The following TAOK1 variants were observed in gnomAD, a reference collection of about 807,000 sequenced individuals.
TAOK1 encodes the protein TAO kinase 1, also known as serine/threonine-protein kinase TAO1.
A neutral mutation model predicts 138.3 loss-of-function variants in TAOK1; 21 were observed. That is an observed-to-expected ratio of 0.15 (90% CI 0.11 to 0.22). The LOEUF is 0.22. Ranked by LOEUF, TAOK1 falls within the 10% of genes least tolerant of loss-of-function variation. The pLI is 1.00. For synonymous variants in TAOK1, 361 were observed against 398.4 expected, an observed-to-expected ratio of 0.91 and a Z score of 1.12; for missense variants, 651 against 1,227.7, an observed-to-expected ratio of 0.53 and a Z score of 7.02.
intron 3 of TAOK1, among the ~76,000 whole-genome samples, chr17:29,470,538 TA>T (rs11298817): frequency 0.6 from 90,846 of 151,716 alleles, 28,016 homozygotes; most frequent in East Asian, 0.97. Context: ...AAAACTGTAT[TA>T]AAAAAAAGAA....
intron 1 of TAOK1, among the ~76,000 whole-genome samples, chr17:29,439,898 A>C (rs1211284237): frequency 6.7e-6 from 1 of 150,056 alleles, no homozygotes; most frequent in Non-Finnish European, 1.5e-5. Context: ...ATTTTTTTTT[A>C]AGATAGTCTG....
chr17:29,551,016 GAAAA>G lies in TAOK1; in HGVS notation c.*7998_*8001del, dbSNP rs2032484388. Reference sequence around the variant, plus strand: ...TTGCTTTTTTATTTAAAAAAAAAAAGAAAAAAAGCTGTAACCTTATCATTTCTGA... The same window carrying G: ...TTGCTTTTTTATTTAAAAAAAAAAAGAAAGCTGTAACCTTATCATTTCTGA... On this transcript the variant is annotated 3_prime_UTR_variant, in exon 20 of 20. Transcript: ENST00000261716. 6.9e-6 allele frequency: 1 copy of G among 145,268 alleles called. No homozygotes were observed. Among genetic ancestry groups the G allele is most frequent in the African/African-American group, 2.5e-5 (1 of 40,068 alleles). 9.0% of individuals were successfully genotyped at this position (145,268 alleles called of 1,614,324 possible). A position where few individuals can be genotyped will look rare whatever the true frequency, so the allele number is the denominator to read the frequency against.
At chr17:29,507,805 T>A in intron 13 of TAOK1, 91 bp from the exon 14 acceptor site, 1 of 1,147,608 alleles carries the variant, frequency 8.7e-7, no homozygotes, top group Admixed American at 2.6e-5. Flanking sequence ...TTACACTAAT[T>A]CCCTACTTAG....
At chr17:29,434,350 A>G (rs1198251860) in intron 1 of TAOK1, among the ~76,000 whole-genome samples, 1 of 152,288 alleles carries the variant, frequency 6.6e-6, no homozygotes, top group East Asian at 1.9e-4. Flanking sequence ...GCCTCCTTTT[A>G]AAGGAGTCCC....
chr17:29,456,337 G>A (rs1026117736), intron 2 of TAOK1, among the ~76,000 whole-genome samples: 1 of 150,066 alleles, frequency 6.7e-6, no homozygotes. Context: ...GGGGGATAGA[G>A]CGAGACTCTG....
At chr17:29,499,318 A>T (rs1246372396) in intron 12 of TAOK1, among the ~76,000 whole-genome samples, 1 of 136,076 alleles carries the variant, frequency 7.3e-6, no homozygotes, top group African/African-American at 2.8e-5. Context: ...TGCAACCTCC[A>T]CCTCTCAGTT....
At chr17:29,473,397 A>C (rs764791253) in intron 3 of TAOK1, among the ~76,000 whole-genome samples, 4 of 152,128 alleles carry the variant, frequency 2.6e-5, no homozygotes, top group Non-Finnish European at 5.9e-5. Flanking sequence ...GCACTTTGGG[A>C]GGCCAAGGTA....
At chr17:29,467,803 TTTTA>T (rs560669780) in intron 3 of TAOK1, among the ~76,000 whole-genome samples, 6 of 151,624 alleles carry the variant, frequency 4.0e-5, no homozygotes, top group South Asian at 2.1e-4. Flanking sequence ...CTGCTTTTAT[TTTTA>T]TTTATTTATT....
chr17:29,449,432 G>A (rs1340671891), intron 1 of TAOK1, among the ~76,000 whole-genome samples: 1 of 152,088 alleles, frequency 6.6e-6, no homozygotes, highest in Non-Finnish European at 1.5e-5. Flanking sequence ...ATTTAGGGGG[G>A]TACAAAAGAC....
At chr17:29,448,716 G>A (rs1053041018) in intron 1 of TAOK1, among the ~76,000 whole-genome samples, 2 of 152,114 alleles carry the variant, frequency 1.3e-5, no homozygotes, top group African/African-American at 4.8e-5. Flanking sequence ...TGTTTGTTCT[G>A]TAAGTATTTG....
At position 29,522,339 on chromosome 17, in the gene TAOK1, T is replaced by C. The variant is rs776009443; in HGVS notation, c.1968T>C (p.His656=). 1 of 1,614,220 alleles carries C rather than the reference T, an allele frequency of 6.2e-7. No homozygotes were observed. The highest frequency in any genetic ancestry group is 1.1e-5 in the South Asian group (1 of 91,084). ...AGCATGCCATGCTACTCCGACAGCA[T>C]GAATCTATGCAAGAACTGGAGTTCC... ...DLEHAMLLRQ[H]ESMQELEFRH... is the part of the protein sequence containing the mutation. The change falls in exon 17 of 20, where the codon CAT becomes CAC. Residue 656 remains histidine (H), a synonymous_variant. Transcript: ENST00000261716.
chr17:29,528,875 C>T (rs1160831270), intron 17 of TAOK1, among the ~76,000 whole-genome samples: 1 of 143,034 alleles, frequency 7.0e-6, no homozygotes, highest in African/African-American at 2.6e-5. Context: ...GAAATTGCAG[C>T]AAAGTGTTTC....
At chr17:29,487,563 G>A (rs1042181805) in intron 8 of TAOK1, among the ~76,000 whole-genome samples, 3 of 152,096 alleles carry the variant, frequency 2.0e-5, no homozygotes, top group East Asian at 3.9e-4. Flanking sequence ...CAGGGTCTGG[G>A]CTAGGGAAAG....
rs537713883 is a variant in TAOK1 at position 29,463,370 on chromosome 17, G to A, written c.133-3775G>A. On this transcript the variant is annotated intron_variant, in intron 2 of 19. Coordinates refer to ENST00000261716, the MANE Select transcript of TAOK1 (RefSeq NM_020791.4). ...AGATCACCCAAGGTCAGGAGTTTGAGACCAGCCTGGCCAACGTGGCGAAAC... is the reference window on the plus strand; with the variant it reads ...AGATCACCCAAGGTCAGGAGTTTGAAACCAGCCTGGCCAACGTGGCGAAAC... Among the ~76,000 whole-genome samples the A allele has an allele frequency of 3.9e-5, 6 of 152,158 alleles. No individual in the cohort carries two copies. In the East Asian group the frequency reaches 9.6e-4, roughly 24 times the overall value.
intron 10 of TAOK1, among the ~76,000 whole-genome samples, chr17:29,492,521 G>A (rs1171231828): frequency 6.6e-6 from 1 of 152,216 alleles, no homozygotes; most frequent in Non-Finnish European, 1.5e-5. Context: ...AGCCAGGCGC[G>A]GTGGCTCACG....
intron 1 of TAOK1, among the ~76,000 whole-genome samples, chr17:29,447,967 T>C (rs1290241020): frequency 2.0e-5 from 3 of 150,200 alleles, no homozygotes; most frequent in African/African-American, 7.3e-5. Flanking sequence ...TTTTTTTTTT[T>C]TTTTTTTTTT....
At chr17:29,447,803 C>CT (rs1567721046) in intron 1 of TAOK1, among the ~76,000 whole-genome samples, 1 of 151,328 alleles carries the variant, frequency 6.6e-6, no homozygotes, top group Non-Finnish European at 1.5e-5. Flanking sequence ...ATTACAGGTG[C>CT]TTACCACCAC....
Position 29,451,468 on chromosome 17 carries a change from C to A in TAOK1, c.-81C>A. ...ATTTTTCTACAGTAGTTTATGCCAA[C>A]GTGACTTCATTCATACAGATGAACC... is the stretch of plus-strand genomic sequence containing the variant. On this transcript the variant is annotated 5_prime_UTR_variant, in exon 2 of 20. Transcript: ENST00000261716. 6.9e-7 allele frequency: 1 copy of A among 1,458,618 alleles called. No individual in the cohort carries two copies. Among genetic ancestry groups the A allele is most frequent in the Non-Finnish European group, 9.1e-7 (1 of 1,103,310 alleles). The allele number at this position is 1,458,618 out of a possible 1,614,324, so 90.4% of individuals were successfully genotyped here.
intron 13 of TAOK1, among the ~76,000 whole-genome samples, chr17:29,507,266 T>G (rs1477864470): frequency 6.6e-6 from 1 of 151,868 alleles, no homozygotes; most frequent in Non-Finnish European, 1.5e-5. Context: ...TTGAGGTTTT[T>G]TTTTTGTTTT....
Sources: gnomAD v4.1 joint callset for allele counts (sites outside exome capture counted in the v4.1 genomes callset) on GRCh38, gnomAD v4.1.1 for gene constraint, MANE v1.5 for transcripts, NCBI Gene and HGNC (gene_info 2026-07-23, HGNC 2026-07-21) for gene names.